Variants in QTGAL observed in about 807,000 individuals in gnomAD.
The protein encoded by QTGAL is queuosine-tRNA galactosyltransferase, also known as BGnT-like protein 1.
the QTGAL span, among the ~76,000 whole-genome samples, chr17:82,999,629 A>T: frequency 6.6e-6 from 1 of 152,252 alleles, no homozygotes; most frequent in African/African-American, 2.4e-5. Flanking sequence ...AGAGGAAAGA[A>T]AAGCTTATTA....
the QTGAL span, among the ~76,000 whole-genome samples, chr17:82,973,526 G>A: frequency 2.9e-3 from 434 of 152,266 alleles, 3 homozygotes; most frequent in African/African-American, 9.9e-3. Context: ...CATGACGCCC[G>A]GGCAGGATTG....
chr17:83,023,425 C>T, the QTGAL span, among the ~76,000 whole-genome samples: 1 of 149,212 alleles, frequency 6.7e-6, no homozygotes, highest in Non-Finnish European at 1.5e-5. Context: ...AAAGTTGCAG[C>T]AGATTCTATA....
chr17:83,013,388 A>G, the QTGAL span, among the ~76,000 whole-genome samples: 1 of 22,744 alleles, frequency 4.4e-5, no homozygotes, highest in Non-Finnish European at 8.2e-5. Context: ...CCCCATCCCA[A>G]CCCCCCTCCC....
At chr17:83,033,028 G>C in the QTGAL span, among the ~76,000 whole-genome samples, 3 of 152,386 alleles carry the variant, frequency 2.0e-5, no homozygotes, top group Non-Finnish European at 2.9e-5. Context: ...CTCTGGGCCA[G>C]AGCGGCCTGG....
chr17:83,008,544 C>A, the QTGAL span, among the ~76,000 whole-genome samples: 7 of 152,298 alleles, frequency 4.6e-5, no homozygotes, highest in East Asian at 9.7e-4. Context: ...CTGCCCTCCT[C>A]ACATGGCCAT....
the QTGAL span, among the ~76,000 whole-genome samples, chr17:83,020,900 C>T: frequency 7.9e-5 from 12 of 152,174 alleles, no homozygotes; most frequent in African/African-American, 2.4e-4. Context: ...GAGATCATTG[C>T]GAAGGGGCAT....
chr17:83,019,101 C>T, the QTGAL span, among the ~76,000 whole-genome samples: 3 of 152,188 alleles, frequency 2.0e-5, no homozygotes, highest in East Asian at 1.9e-4. Context: ...AGACCCCACC[C>T]GGCCCCTTGG....
the QTGAL span, chr17:83,035,115 G>A: frequency 6.2e-7 from 1 of 1,603,190 alleles, no homozygotes; most frequent in Non-Finnish European, 8.5e-7. Context: ...GAAAAAAGAA[G>A]AGCAAAACTC....
chr17:83,043,265 T>A, the QTGAL span, among the ~76,000 whole-genome samples: 1 of 152,212 alleles, frequency 6.6e-6, no homozygotes, highest in Non-Finnish European at 1.5e-5. Context: ...AGGTGACACG[T>A]CCGGCCATAA....
chr17:82,973,687 C>T, the QTGAL span, among the ~76,000 whole-genome samples: 4 of 152,252 alleles, frequency 2.6e-5, no homozygotes, highest in East Asian at 5.8e-4. Context: ...ACACTGAGTT[C>T]GGAGCCGGCT....
the QTGAL span, among the ~76,000 whole-genome samples, chr17:83,014,773 A>T: frequency 2.0e-5 from 3 of 152,280 alleles, no homozygotes; most frequent in Non-Finnish European, 4.4e-5. Context: ...TAAGTAAGAA[A>T]ACGATAGACA....
At chr17:83,051,253 A>G in the QTGAL span, among the ~76,000 whole-genome samples, 1 of 38,926 alleles carries the variant, frequency 2.6e-5, no homozygotes, top group East Asian at 5.5e-4. Flanking sequence ...CAGGTGTGTG[A>G]GGTGCGGGGG....
At chr17:82,954,121 A>G in the QTGAL span, among the ~76,000 whole-genome samples, 1 of 152,202 alleles carries the variant, frequency 6.6e-6, no homozygotes, top group African/African-American at 2.4e-5. Context: ...CCTATTCAAC[A>G]TAGTATTGGA....
chr17:83,019,509 G>A, the QTGAL span, among the ~76,000 whole-genome samples: 2 of 152,200 alleles, frequency 1.3e-5, no homozygotes, highest in African/African-American at 4.8e-5. Context: ...GGACTGGACG[G>A]AGACGGGTGG....
chr17:83,012,610 C>T, the QTGAL span, among the ~76,000 whole-genome samples: 1 of 152,318 alleles, frequency 6.6e-6, no homozygotes, highest in East Asian at 1.9e-4. Context: ...CACACAGCTG[C>T]AGGGACGCAA....
the QTGAL span, among the ~76,000 whole-genome samples, chr17:82,984,192 C>T: frequency 5.6e-4 from 38 of 68,370 alleles, no homozygotes; most frequent in African/African-American, 2.7e-3. Context: ...CATATGATCA[C>T]GCAGGGGAGA....
the QTGAL span, chr17:83,035,174 A>T: frequency 8.0e-7 from 1 of 1,251,234 alleles, no homozygotes; most frequent in Non-Finnish European, 1.1e-6. Flanking sequence ...AGCTTAGTAT[A>T]TGATATTCTT....
the QTGAL span, among the ~76,000 whole-genome samples, chr17:83,039,321 G>T: frequency 8.8e-5 from 5 of 56,762 alleles, no homozygotes; most frequent in Non-Finnish European, 1.6e-4. Context: ...ACACACTGCT[G>T]GGCGCCCGCC....
the QTGAL span, among the ~76,000 whole-genome samples, chr17:82,993,846 A>G: frequency 6.6e-6 from 1 of 152,146 alleles, no homozygotes. Flanking sequence ...CTAGAAATCA[A>G]TAAGAGGAAT....
Sources: allele counts gnomAD v4.1 joint callset (sites outside exome capture counted in the v4.1 genomes callset), GRCh38; gene constraint gnomAD v4.1.1; transcripts MANE v1.5; gene names NCBI Gene and HGNC (gene_info 2026-07-23, HGNC 2026-07-21).